The following JAML variants were observed in gnomAD, a reference collection of about 807,000 sequenced individuals.
JAML encodes junctional adhesion molecule-like.
A neutral mutation model predicts 39.3 loss-of-function variants in JAML; 25 were observed. The observed-to-expected ratio is 0.64, with a 90% CI of 0.46 to 0.89. The LOEUF is 0.89. Among genes scored for constraint, JAML ranks in the 40% least tolerant of loss-of-function variants. The pLI is 0.00. For synonymous variants in JAML, 162 were observed against 179.2 expected (o/e 0.90, Z 0.77); for missense variants, 440 against 486.9 (o/e 0.90, Z 0.91).
Position 118,203,576 on chromosome 11 carries a change from C to G in JAML, c.624G>C (p.Leu208=), listed in dbSNP as rs1470065261. The change falls in exon 6 of 10, where the codon CTG becomes CTC. Residue 208 remains leucine (L), a synonymous_variant. Coordinates refer to ENST00000356289, the MANE Select transcript of JAML (RefSeq NM_001098526.2). ...SWGHFQNRVN[L]VGDIFRNDGS... is the part of the protein sequence containing the mutation. ...CGTCATTGCGGAAAATGTCCCCCAC[C>G]AGGTTCACACGATTCTGGAAGTGGC... 3.1e-6 allele frequency: 5 copies of G among 1,614,090 alleles called. No homozygotes were observed. Among genetic ancestry groups the G allele is most frequent in the Non-Finnish European group, 2.5e-6 (3 of 1,180,052 alleles).
Position 118,203,458 on chromosome 11 carries a change from C to T in JAML, c.742G>A (p.Val248Met), listed in dbSNP as rs1430289198. 6.2e-7 allele frequency: 1 copy of T among 1,614,130 alleles called. No homozygotes were observed. The change falls in exon 6 of 10, where the codon GTG becomes ATG. Residue 248 changes from valine to methionine, a missense_variant. Val to Met is a conservative substitution (Grantham distance 21, BLOSUM62 1). Transcript: ENST00000356289. ...GGCTCTTCCGGGCTGACATGCAGCA[C>T]AATGGTTTTCTTGAACACCAGGTTC... ...LGNLVFKKTIVLHVSPEEPRT... is the reference protein window; with the variant it reads ...LGNLVFKKTIMLHVSPEEPRT...
At position 118,203,439 on chromosome 11, in the gene JAML, T is replaced by C. The variant is rs759957514; in HGVS notation, c.761A>G (p.Glu254Gly). 2.5e-6 allele frequency: 4 copies of C among 1,614,130 alleles called. No individual in the cohort carries two copies. The South Asian group carries it at 4.4e-5, about 18-fold the overall frequency. The part of the protein sequence containing the change: ...KKTIVLHVSP[E>G]EPRTLVTPAA... ...CAAATGTTAGATACTTCGAGGCTCT[T>C]CCGGGCTGACATGCAGCACAATGGT... The change falls in exon 6 of 10, where the codon GAA (glutamate) becomes GGA (glycine). Residue 254 changes from glutamate (E) to glycine (G), a missense_variant. Glu to Gly is a moderately conservative substitution (Grantham distance 98). Coordinates refer to ENST00000356289, the MANE Select transcript of JAML (RefSeq NM_001098526.2).
intron 4 of JAML, among the ~76,000 whole-genome samples, chr11:118,207,996 T>A (rs1015122603): frequency 3.9e-5 from 6 of 152,186 alleles, no homozygotes; most frequent in African/African-American, 1.4e-4. Flanking sequence ...TTGGAGAGGC[T>A]GAGACAGGAG....
At chr11:118,214,558 C>T (rs187005373) in intron 2 of JAML, among the ~76,000 whole-genome samples, 1 of 152,262 alleles carries the variant, frequency 6.6e-6, no homozygotes, top group Non-Finnish European at 1.5e-5. Context: ...GAAACTTTCC[C>T]TTTGTCACGT....
intron 9 of JAML, among the ~76,000 whole-genome samples, chr11:118,196,464 G>A (rs1948658364): frequency 6.6e-6 from 1 of 151,894 alleles, no homozygotes; most frequent in Non-Finnish European, 1.5e-5. Flanking sequence ...TGAGGCAAAA[G>A]ACGTCCTCCC....
Position 118,217,516 on chromosome 11 carries a change from T to C in JAML, c.-20-2630A>G, listed in dbSNP as rs538407167. ...GCGGAAAAATTACTAAAAGTTTTTT[T>C]TAAATGCTCTTCTGGGCTCAGATCT... On this transcript the variant is annotated intron_variant, in intron 1 of 9. Transcript: ENST00000356289. 2.6e-5 allele frequency among the ~76,000 whole-genome samples: 4 copies of C among 152,362 alleles called. No homozygotes were observed. In the East Asian group the frequency reaches 7.7e-4, roughly 29 times the overall value.
rs1948856863 is a variant in JAML at position 118,203,549 on chromosome 11, ACCGTCATTGCGGAAAATGTCCC to A, written c.629_650del (p.Gly210ValfsTer8). The A allele has an allele frequency of 6.2e-7, 1 of 1,614,084 alleles. No individual in the cohort carries two copies. The highest frequency in any genetic ancestry group is 1.7e-5 in the Admixed American group (1 of 60,006). The stretch of plus-strand genomic sequence containing the variant: ...CCCTCACTCCTTGAAGCATGATGGA[ACCGTCATTGCGGAAAATGTCCC>A]CCACCAGGTTCACACGATTCTGGAA... On this transcript the variant is annotated frameshift_variant, in exon 6 of 10. Coordinates refer to ENST00000356289, the MANE Select transcript of JAML (RefSeq NM_001098526.2). LOFTEE classifies it high-confidence loss of function.
chr11:118,203,957 A>G (rs1948866990), intron 5 of JAML: 1 of 358,860 alleles, frequency 2.8e-6, no homozygotes, highest in Admixed American at 4.0e-5. Context: ...GCAAAAGTAT[A>G]CTTTTATTCT....
Position 118,214,878 on chromosome 11 carries a change from CT to C in JAML, c.-13del. ...AGTGGGCAAAACATGCTGCTCTCAA[CT>C]TTCAAATCTTAAGATAAAAGAACAA... On this transcript the variant is annotated 5_prime_UTR_variant, in exon 2 of 10. Coordinates refer to ENST00000356289, the MANE Select transcript of JAML (RefSeq NM_001098526.2). The C allele has an allele frequency of 6.2e-7, 1 of 1,613,898 alleles. No individual in the cohort carries two copies. Among genetic ancestry groups the C allele is most frequent in the Non-Finnish European group, 8.5e-7 (1 of 1,179,896 alleles).
chr11:118,209,925 T>C (rs1414537573), intron 4 of JAML, among the ~76,000 whole-genome samples: 1 of 151,952 alleles, frequency 6.6e-6, no homozygotes, highest in Non-Finnish European at 1.5e-5. Context: ...AATGCAGTGG[T>C]GCCATCATAG....
chr11:118,197,226 A>C (rs1461340647), intron 8 of JAML: 1 of 180,546 alleles, frequency 5.5e-6, no homozygotes. Context: ...GCCCTCATTG[A>C]ACCTCACAAC....
rs187256786 is a variant in JAML at position 118,203,715 on chromosome 11, G to A, written c.535-50C>T. 5.9e-4 allele frequency: 877 copies of A among 1,490,816 alleles called. 4 individuals are homozygous for A. In the African/African-American group the frequency reaches 7.6e-3, roughly 13 times the overall value. 92.3% of individuals were successfully genotyped at this position (1,490,816 alleles called of 1,614,324 possible). ...GATATTGTGAGGACTGGAGTGGAGC[G>A]GGGAGCAGAGAAAATGGGGGAGGGA... is the stretch of plus-strand genomic sequence containing the variant. On this transcript the variant is annotated intron_variant, in intron 5 of 9. Transcript: ENST00000356289.
At chr11:118,212,840 C>T in intron 2 of JAML, 2 of 1,613,808 alleles carry the variant, frequency 1.2e-6, no homozygotes, top group Non-Finnish European at 1.7e-6. Context: ...TCCTCCCAAC[C>T]TTTCTAAAGA....
At position 118,196,947 on chromosome 11, in the gene JAML, G is replaced by A. The variant is rs1591456528; in HGVS notation, c.1006-126C>T. ...AACTGCTGGTTCAGAGGGTTACTGA[G>A]ACCTAGAGAATTCTCAACAATGATA... On this transcript the variant is annotated intron_variant, in intron 8 of 9. Transcript: ENST00000356289. 1.5e-5 allele frequency: 10 copies of A among 687,780 alleles called. No individual in the cohort carries two copies. The East Asian group carries it at 2.4e-4, about 16-fold the overall frequency. 42.6% of individuals were successfully genotyped at this position (687,780 alleles called of 1,614,324 possible).
intron 9 of JAML, 77 bp from the exon 10 acceptor site, chr11:118,194,494 G>A: frequency 8.1e-7 from 1 of 1,232,958 alleles, no homozygotes; most frequent in Non-Finnish European, 1.2e-6. Flanking sequence ...GCTGTTCATT[G>A]AGCTCTTCTC....
At chr11:118,202,774 C>T (rs1713472375) in intron 6 of JAML, 1 of 368,484 alleles carries the variant, frequency 2.7e-6, no homozygotes, top group South Asian at 2.0e-5. Context: ...CCACAGCCAA[C>T]TCCTGAAGGC....
chr11:118,212,674 G>A (rs925661518), intron 2 of JAML, 113 bp from the exon 3 acceptor site: 71 of 1,514,548 alleles, frequency 4.7e-5, no homozygotes, highest in Admixed American at 2.9e-4. Flanking sequence ...ATCCAACATA[G>A]ACAAAGTCCT....
intron 7 of JAML, among the ~76,000 whole-genome samples, chr11:118,198,609 T>C (rs944639771): frequency 6.6e-6 from 1 of 151,704 alleles, no homozygotes; most frequent in African/African-American, 2.4e-5. Flanking sequence ...CCTTGGCCTT[T>C]GATCTCATGA....
chr11:118,213,738 G>C (rs1247657765), intron 2 of JAML, among the ~76,000 whole-genome samples: 1 of 152,158 alleles, frequency 6.6e-6, no homozygotes, highest in African/African-American at 2.4e-5. Flanking sequence ...GAGATTTTCT[G>C]CAAGAAAGGA....
Sources: allele counts gnomAD v4.1 joint callset (sites outside exome capture counted in the v4.1 genomes callset), GRCh38; gene constraint gnomAD v4.1.1; transcripts MANE v1.5; gene names NCBI Gene and HGNC (gene_info 2026-07-23, HGNC 2026-07-21).